Variants in RBFOX1 observed in about 807,000 individuals in gnomAD.
RBFOX1 encodes RNA binding fox-1 homolog 1.
RBFOX1 carries 8 observed loss-of-function variants against 57.7 expected under a neutral mutation model. That is an observed-to-expected ratio of 0.14 (90% confidence interval 0.08 to 0.25). RBFOX1 has a LOEUF of 0.25. RBFOX1 is among the 10% of genes least tolerant of loss of function. The pLI is 1.00. For missense variants in RBFOX1, 611 were observed against 548.5 expected, an observed-to-expected ratio of 1.11 and a Z score of -1.14; for synonymous variants, 326 against 222.4, an observed-to-expected ratio of 1.47 and a Z score of -4.15.
chr16:5,532,370 T>G (rs1209882366), intron 2 of RBFOX1, among the ~76,000 whole-genome samples: 1 of 152,154 alleles, frequency 6.6e-6, no homozygotes, highest in African/African-American at 2.4e-5. Context: ...TTTGGCTCAA[T>G]GTGTAGAATA....
chr16:6,683,665 G>A (rs10459841), intron 3 of RBFOX1, among the ~76,000 whole-genome samples: 1 of 152,088 alleles, frequency 6.6e-6, no homozygotes, highest in East Asian at 1.9e-4. Flanking sequence ...CCAGGTTTAA[G>A]GCGAAAGCAA....
intron 3 of RBFOX1, among the ~76,000 whole-genome samples, chr16:5,736,906 T>TCTCTCTCCCCCTCC (rs2052596995): frequency 1.5e-5 from 2 of 137,476 alleles, no homozygotes; most frequent in Non-Finnish European, 3.1e-5. Flanking sequence ...TCCCCCTCCG[T>TCTCTCTCCCCCTCC]CTCTCTCCCC....
At chr16:6,305,197 T>C (rs184472128) in intron 1 of RBFOX1, among the ~76,000 whole-genome samples, 121 of 152,322 alleles carry the variant, frequency 7.9e-4, no homozygotes, top group African/African-American at 2.8e-3. Context: ...AGCATTCTCA[T>C]TGAGAGCAAA....
intron 14 of RBFOX1, among the ~76,000 whole-genome samples, chr16:7,682,868 A>G (rs1272715692): frequency 1.4e-5 from 2 of 146,640 alleles, no homozygotes; most frequent in Non-Finnish European, 3.0e-5. Flanking sequence ...GCCTATTCAG[A>G]CTCTCCTTAG....
chr16:7,489,929 C>A (rs2151491096), intron 4 of RBFOX1, among the ~76,000 whole-genome samples: 1 of 152,200 alleles, frequency 6.6e-6, no homozygotes, highest in South Asian at 2.1e-4. Flanking sequence ...GGTGAATTTT[C>A]CTTGGTCAGA....
intron 4 of RBFOX1, among the ~76,000 whole-genome samples, chr16:7,500,936 A>T (rs1391848200): frequency 6.6e-6 from 1 of 152,086 alleles, no homozygotes; most frequent in Non-Finnish European, 1.5e-5. Context: ...ATGAGATCTG[A>T]TGGGTTTATA....
chr16:6,722,599 T>A (rs2154165383), intron 3 of RBFOX1, among the ~76,000 whole-genome samples: 1 of 152,340 alleles, frequency 6.6e-6, no homozygotes, highest in South Asian at 2.1e-4. Flanking sequence ...TTTAGAATAA[T>A]CAAGGGGTCC....
intron 4 of RBFOX1, among the ~76,000 whole-genome samples, chr16:5,990,479 C>G (rs991132492): frequency 6.6e-6 from 1 of 152,234 alleles, no homozygotes; most frequent in Non-Finnish European, 1.5e-5. Context: ...TAGATTCTGG[C>G]TTGACCTATT....
intron 4 of RBFOX1, among the ~76,000 whole-genome samples, chr16:7,367,203 C>T (rs1163422897): frequency 6.6e-6 from 1 of 152,118 alleles, no homozygotes; most frequent in Non-Finnish European, 1.5e-5. Flanking sequence ...GAGGCCCCCA[C>T]CCCCATCTTA....
intron 13 of RBFOX1, among the ~76,000 whole-genome samples, chr16:7,672,865 CAAAAA>C (rs56693228): frequency 1.1e-3 from 46 of 42,882 alleles, no homozygotes; most frequent in East Asian, 0.01. Context: ...GACTCCATCT[CAAAAA>C]AAAAAAAAAA....
intron 4 of RBFOX1, among the ~76,000 whole-genome samples, chr16:7,052,458 T>G (rs781312180): frequency 6.6e-6 from 1 of 152,206 alleles, no homozygotes. Context: ...CCAGGCTGTT[T>G]GCTGAGTGGC....
At chr16:5,559,607 G>A (rs554917253) in intron 2 of RBFOX1, among the ~76,000 whole-genome samples, 7 of 152,220 alleles carry the variant, frequency 4.6e-5, no homozygotes, top group Non-Finnish European at 7.4e-5. Context: ...CCCTAAAGGC[G>A]CCCCTCCACC....
intron 4 of RBFOX1, among the ~76,000 whole-genome samples, chr16:7,188,247 C>G (rs1006496253): frequency 9.9e-5 from 15 of 152,150 alleles, no homozygotes; most frequent in African/African-American, 2.7e-4. Flanking sequence ...TGAAATAGTC[C>G]ATGGCTGCAG....
intron 4 of RBFOX1, among the ~76,000 whole-genome samples, chr16:7,398,543 C>T (rs973077383): frequency 1.8e-4 from 27 of 152,212 alleles, no homozygotes; most frequent in African/African-American, 6.0e-4. Flanking sequence ...CAAATTCAGT[C>T]GCTTACCCAG....
intron 4 of RBFOX1, among the ~76,000 whole-genome samples, chr16:7,132,952 T>C (rs2070922240): frequency 6.6e-6 from 1 of 152,214 alleles, no homozygotes; most frequent in African/African-American, 2.4e-5. Context: ...GTGATTCTGA[T>C]GAAACTGCAA....
intron 4 of RBFOX1, among the ~76,000 whole-genome samples, chr16:7,314,710 G>A (rs1429091315): frequency 2.0e-5 from 3 of 152,074 alleles, no homozygotes; most frequent in East Asian, 1.9e-4. Context: ...AGAATCCTCC[G>A]TCCTTCTATA....
At chr16:6,262,768 G>A (rs554183534) in intron 1 of RBFOX1, among the ~76,000 whole-genome samples, 34 of 152,266 alleles carry the variant, frequency 2.2e-4, no homozygotes, top group Admixed American at 1.4e-3. Flanking sequence ...GCTCATCTTT[G>A]ATTTTCCTTG....
chr16:7,712,800 T>A lies in RBFOX1; in HGVS notation c.*2055T>A, dbSNP rs1233896974. On this transcript the variant is annotated 3_prime_UTR_variant, in exon 16 of 16. Transcript: ENST00000550418. ...AAGAAAGAGTAGGAGCAGGGGGCTA[T>A]GGAGAATAAATTTCTCCCAATTGCC... The A allele has an allele frequency of 1.3e-5, 2 of 152,240 alleles. No homozygotes were observed. Among genetic ancestry groups the A allele is most frequent in the Non-Finnish European group, 2.9e-5 (2 of 68,042 alleles). 9.4% of individuals were successfully genotyped at this position (152,240 alleles called of 1,614,324 possible).
At chr16:5,365,219 G>A (rs756324222) in intron 1 of RBFOX1, among the ~76,000 whole-genome samples, 11 of 152,230 alleles carry the variant, frequency 7.2e-5, no homozygotes, top group South Asian at 6.2e-4. Context: ...GTTGAGGGTC[G>A]TTCTGGGAGG....
Sources: gnomAD v4.1 joint callset for allele counts (sites outside exome capture counted in the v4.1 genomes callset) on GRCh38, gnomAD v4.1.1 for gene constraint, MANE v1.5 for transcripts, NCBI Gene and HGNC (gene_info 2026-07-23, HGNC 2026-07-21) for gene names.